PRKCH: variants seen among roughly 807,000 people sequenced by gnomAD.
The protein encoded by PRKCH is protein kinase C eta type.
A neutral mutation model predicts 82.5 loss-of-function variants in PRKCH; 28 were observed. That is an observed-to-expected ratio of 0.34 (90% confidence interval 0.25 to 0.47). The LOEUF (loss-of-function observed/expected upper bound fraction) is 0.47, where lower values mean the gene tolerates loss of function less well. Ranked by LOEUF, PRKCH falls within the 20% of genes least tolerant of loss-of-function variation. The probability of loss-of-function intolerance (pLI) is 1.00; values close to 1 mark genes in which losing one functional copy is unlikely to be tolerated. For synonymous variants in PRKCH, 322 were observed against 327.4 expected (o/e 0.98, Z 0.18); for missense variants, 705 against 881.8 (o/e 0.80, Z 2.54).
At chr14:61,228,583 T>C (rs989380950) in intron 1 of PRKCH, among the ~76,000 whole-genome samples, 1 of 148,980 alleles carries the variant, frequency 6.7e-6, no homozygotes, top group Non-Finnish European at 1.5e-5. Context: ...ACCAGTCTGA[T>C]AGCAGCTCAC....
chr14:61,505,395 C>CTTTTTTTTTTTTTTTTTTT (rs60304150), intron 10 of PRKCH, among the ~76,000 whole-genome samples: 19 of 55,764 alleles, frequency 3.4e-4, no homozygotes, highest in African/African-American at 4.5e-4. Flanking sequence ...CTTTTCTTTT[C>CTTTTTTTTTTTTTTTTTTT]TTTTTTTTTT....
Position 61,328,999 on chromosome 14 carries a change from A to G in PRKCH, c.363+6535A>G, listed in dbSNP as rs919226987. ...AAACCCTGTCTCAAAAAAAAAAAAA[A>G]GCTGAAAAAACAGTCAACTAGATTG... On this transcript the variant is annotated intron_variant, in intron 1 of 13. Coordinates refer to ENST00000332981, the MANE Select transcript of PRKCH (RefSeq NM_006255.5). Among the ~76,000 whole-genome samples, 31 of 151,388 alleles carry G rather than the reference A, an allele frequency of 2.0e-4. 1 individual carries two copies. The highest frequency in any genetic ancestry group is 2.9e-5 in the Non-Finnish European group (2 of 67,852).
chr14:61,284,584 T>C (rs1374285483), intron 1 of PRKCH, among the ~76,000 whole-genome samples: 1 of 152,192 alleles, frequency 6.6e-6, no homozygotes, highest in Non-Finnish European at 1.5e-5. Context: ...CTGATATAGA[T>C]ATACATTGTC....
At chr14:61,421,725 G>A (rs960530568) in intron 2 of PRKCH, among the ~76,000 whole-genome samples, 1 of 152,168 alleles carries the variant, frequency 6.6e-6, no homozygotes, top group African/African-American at 2.4e-5. Context: ...ACTGCTACTT[G>A]TATGCTAGGC....
At chr14:61,430,808 G>T (rs12589412) in intron 2 of PRKCH, among the ~76,000 whole-genome samples, 87,799 of 151,074 alleles carry the variant, frequency 0.58, 27,138 homozygotes, top group Non-Finnish European at 0.7. Flanking sequence ...AGGCTAGAAT[G>T]CGGTGTCGTG....
intron 10 of PRKCH, among the ~76,000 whole-genome samples, chr14:61,520,433 G>A (rs1356724655): frequency 1.3e-5 from 2 of 152,116 alleles, no homozygotes; most frequent in Non-Finnish European, 2.9e-5. Context: ...AAGCTGTGAA[G>A]GAAAGATTGA....
In PRKCH at chr14:61,457,156, A is replaced by G. The variant is rs758625097; in HGVS notation, c.961-20A>G. 102 of 1,612,470 alleles carry G rather than the reference A, an allele frequency of 6.3e-5. No individual in the cohort carries two copies. Among genetic ancestry groups the G allele is most frequent in the Non-Finnish European group, 8.5e-5 (100 of 1,179,220 alleles). Reference sequence around the variant, plus strand: ...TGCTTCTGCTGCAATTTCTGACTTAATGTGTTCTTACTCTTTCAGAAACTC... The same window carrying G: ...TGCTTCTGCTGCAATTTCTGACTTAGTGTGTTCTTACTCTTTCAGAAACTC... On this transcript the variant is annotated intron_variant, in intron 7 of 13. Transcript: ENST00000332981.
In PRKCH at chr14:61,228,885, AT is replaced by A. The variant is rs144725729; in HGVS notation, c.-19+41225del. Among the ~76,000 whole-genome samples the A allele has an allele frequency of 3.8e-3, 572 of 151,436 alleles. 21 individuals carry two copies. In the East Asian group the frequency reaches 0.09, roughly 24 times the overall value. On this transcript the variant is annotated intron_variant, in intron 1 of 3. Coordinates refer to the PRKCH transcript ENST00000555185. ...GTGAGATCCTCTCCCTTTAAAAAAA[AT>A]TTTTTTTAATATAAAAAATATATAA...
intron 10 of PRKCH, among the ~76,000 whole-genome samples, chr14:61,507,522 G>C (rs565467660): frequency 1.3e-5 from 2 of 152,222 alleles, no homozygotes; most frequent in Admixed American, 1.3e-4. Flanking sequence ...TCAAAATATG[G>C]AAACAATCTA....
chr14:61,460,323 A>T (rs577061720), intron 9 of PRKCH, among the ~76,000 whole-genome samples: 2 of 152,096 alleles, frequency 1.3e-5, no homozygotes, highest in African/African-American at 2.4e-5. Context: ...CTTTTATTTC[A>T]GTCATTGTTG....
At chr14:61,245,650 G>GCAGCTTTACAGTGGT (rs372322762) in intron 1 of PRKCH, among the ~76,000 whole-genome samples, 107,666 of 151,100 alleles carry the variant, frequency 0.71, 39,281 homozygotes, top group Non-Finnish European at 0.78. Context: ...AGCCGGTGGG[G>GCAGCTTTACAGTGGT]CAGCCTTACA....
chr14:61,489,979 A>C (rs1018501942), intron 10 of PRKCH, among the ~76,000 whole-genome samples: 5 of 152,200 alleles, frequency 3.3e-5, no homozygotes, highest in Admixed American at 6.5e-5. Context: ...ATGTTGGGTG[A>C]GGAATAGTTT....
At chr14:61,449,876 CTCTCTCTCTCTCTCTCTCTCTCTCTG>C (rs901670513) in intron 5 of PRKCH, among the ~76,000 whole-genome samples, 15 of 67,358 alleles carry the variant, frequency 2.2e-4, no homozygotes, top group Admixed American at 6.5e-4. Context: ...CTCTCTCTCT[CTCTCTCTCTCTCTCTCTCTCTCTCTG>C]TGTGTGTGTG....
At chr14:61,376,532 C>CT (rs1383201396) in intron 1 of PRKCH, among the ~76,000 whole-genome samples, 1 of 152,190 alleles carries the variant, frequency 6.6e-6, no homozygotes, top group Non-Finnish European at 1.5e-5. Flanking sequence ...CAGATTTAGT[C>CT]TTACCGTCTT....
At chr14:61,394,526 T>C (rs1220039669) in intron 2 of PRKCH, among the ~76,000 whole-genome samples, 1 of 152,146 alleles carries the variant, frequency 6.6e-6, no homozygotes, top group Non-Finnish European at 1.5e-5. Context: ...TCTCTCTCAT[T>C]CGAGCTGAAT....
intron 1 of PRKCH, chr14:61,361,159 CAGTGCCTG>C (rs1310102778): frequency 1.3e-5 from 2 of 152,194 alleles, no homozygotes; most frequent in Non-Finnish European, 2.9e-5. Context: ...TTGTTCAGAT[CAGTGCCTG>C]AGTAAGTTCT....
In PRKCH at chr14:61,201,856, A is replaced by T. The variant is rs181014978; in HGVS notation, c.-19+14188A>T. On this transcript the variant is annotated intron_variant, in intron 1 of 3. Coordinates refer to the PRKCH transcript ENST00000555185. The stretch of plus-strand genomic sequence containing the variant: ...ACATGTTATTTGAATTATGTAGATG[A>T]CTACCAGGAAAAAAAAACTATAAGC... 3.6e-4 allele frequency among the ~76,000 whole-genome samples: 55 copies of T among 152,230 alleles called. 1 individual carries two copies. The East Asian group carries it at 9.1e-3, about 25-fold the overall frequency.
intron 2 of PRKCH, among the ~76,000 whole-genome samples, chr14:61,416,621 C>G (rs77627876): frequency 6.6e-6 from 1 of 152,208 alleles, no homozygotes; most frequent in East Asian, 1.9e-4. Context: ...ACAACACCCC[C>G]TAACCTCTTC....
chr14:61,477,842 G>C (rs1373334869), intron 9 of PRKCH, among the ~76,000 whole-genome samples: 1 of 152,128 alleles, frequency 6.6e-6, no homozygotes, highest in Admixed American at 6.5e-5. Context: ...CACCTCCTTC[G>C]ACCCTCTATA....
Sources: gnomAD v4.1 joint callset for allele counts (sites outside exome capture counted in the v4.1 genomes callset) on GRCh38, gnomAD v4.1.1 for gene constraint, MANE v1.5 for transcripts, NCBI Gene and HGNC (gene_info 2026-07-23, HGNC 2026-07-21) for gene names.